PER3: variants seen among roughly 807,000 people sequenced by gnomAD.
PER3 encodes the protein period circadian regulator 3.
In PER3, 107 loss-of-function variants were observed where a neutral mutation model predicts 127.2. The observed-to-expected ratio is 0.84, with a 90% CI of 0.72 to 0.99. The LOEUF (loss-of-function observed/expected upper bound fraction) is 0.99, where lower values mean the gene tolerates loss of function less well. Among genes scored for constraint, PER3 ranks in the 50% least tolerant of loss-of-function variants. The pLI is 0.00. For synonymous variants in PER3, 618 were observed against 585.8 expected, an observed-to-expected ratio of 1.05 and a Z score of -0.79; for missense variants, 1,560 against 1,525.8, an observed-to-expected ratio of 1.02 and a Z score of -0.37.
intron 13 of PER3, among the ~76,000 whole-genome samples, chr1:7,815,991 CAAAAAAAAAAAA>C (rs34144861): frequency 3.0e-5 from 2 of 67,680 alleles, no homozygotes; most frequent in Non-Finnish European, 4.9e-5. Flanking sequence ...GACTCCGTCT[CAAAAAAAAAAAA>C]AAAAAAAAAA....
At chr1:7,842,504 A>AAT (rs1286994366) in intron 21 of PER3, 168 bp from the exon 22 acceptor site, 6 of 488,778 alleles carry the variant, frequency 1.2e-5, no homozygotes, top group Non-Finnish European at 1.6e-5. Context: ...TGTCTCAAAA[A>AAT]AAAAAATAAA....
rs555030096 is a variant in PER3 at position 7,798,731 on chromosome 1, C to G, written c.793+58C>G. The G allele has an allele frequency of 4.5e-5, 64 of 1,406,630 alleles. No homozygotes were observed. The African/African-American group carries it at 8.4e-4, about 19-fold the overall frequency. 87.1% of individuals were successfully genotyped at this position (1,406,630 alleles called of 1,614,324 possible). Reference sequence around the variant, plus strand: ...CAATCAGATAGGAACATGGGAAAGTCTGTTTACGTCAGTCATAGAACAACA... The same window carrying G: ...CAATCAGATAGGAACATGGGAAAGTGTGTTTACGTCAGTCATAGAACAACA... On this transcript the variant is annotated intron_variant, in intron 7 of 21. Transcript: ENST00000377532.
At position 7,843,907 on chromosome 1, in the gene PER3, C is replaced by G; in HGVS notation, c.*1152C>G. On this transcript the variant is annotated 3_prime_UTR_variant, in exon 22 of 22. Transcript: ENST00000377532. ...TCTCTGGTGCTTTTTAGAGAAGTCC[C>G]TGATTCCTTCTTAAACTTGGAATGA... is the stretch of plus-strand genomic sequence containing the variant. 2 of 1,274,486 alleles carry G rather than the reference C, an allele frequency of 1.6e-6. No homozygotes were observed. The highest frequency in any genetic ancestry group is 2.0e-6 in the Non-Finnish European group (2 of 978,454). 78.9% of individuals were successfully genotyped at this position (1,274,486 alleles called of 1,614,324 possible). A position where few individuals can be genotyped will look rare whatever the true frequency, so the allele number is the denominator to read the frequency against.
At chr1:7,831,918 C>G (rs1035945987) in intron 19 of PER3, among the ~76,000 whole-genome samples, 3 of 151,996 alleles carry the variant, frequency 2.0e-5, no homozygotes, top group Non-Finnish European at 4.4e-5. Context: ...AGGAACTATT[C>G]TTTGCTATTC....
intron 12 of PER3, chr1:7,810,226 G>A (rs1014644113): frequency 1.7e-5 from 11 of 638,806 alleles, no homozygotes; most frequent in Admixed American, 3.3e-5. Context: ...AATTGTATGC[G>A]TTCTAAAAAT....
chr1:7,813,533 G>A (rs72632076), intron 13 of PER3, among the ~76,000 whole-genome samples: 12,519 of 152,072 alleles, frequency 0.082, 583 homozygotes, highest in Middle Eastern at 0.21. Context: ...AGACCCTCTC[G>A]AAGGCACAAT....
intron 7 of PER3, among the ~76,000 whole-genome samples, chr1:7,799,257 G>A (rs560959): frequency 0.074 from 11,320 of 152,168 alleles, 522 homozygotes; most frequent in Middle Eastern, 0.13. Flanking sequence ...GGGTTTAGGA[G>A]CACAAAACTC....
intron 21 of PER3, among the ~76,000 whole-genome samples, chr1:7,839,197 T>C (rs1206835818): frequency 6.6e-6 from 1 of 152,246 alleles, no homozygotes; most frequent in Non-Finnish European, 1.5e-5. Flanking sequence ...AGCTTAACTT[T>C]GATAACCTAC....
intron 19 of PER3, among the ~76,000 whole-genome samples, chr1:7,834,795 T>G (rs2097349859): frequency 6.6e-6 from 1 of 152,052 alleles, no homozygotes; most frequent in African/African-American, 2.4e-5. Context: ...TTTTTATTAC[T>G]TTTTTATTTA....
Position 7,819,281 on chromosome 1 carries a change from T to C in PER3, c.1523-4T>C. On this transcript the variant is annotated splice_region_variant and splice_polypyrimidine_tract_variant and intron_variant, in intron 13 of 21. Transcript: ENST00000377532. ...TAATTGCACATCCCTTTATTCTGTT[T>C]CAGGTGAATGTAAGACCTTTACTTC... The C allele has an allele frequency of 6.2e-7, 1 of 1,612,778 alleles. No individual in the cohort carries two copies. The highest frequency in any genetic ancestry group is 8.5e-7 in the Non-Finnish European group (1 of 1,179,046).
intron 19 of PER3, among the ~76,000 whole-genome samples, chr1:7,835,254 C>T (rs1022548278): frequency 6.6e-6 from 1 of 152,090 alleles, no homozygotes; most frequent in Non-Finnish European, 1.5e-5. Flanking sequence ...TTATATGTGA[C>T]TTTCTGTATG....
chr1:7,804,463 G>A (rs956007264), intron 10 of PER3, among the ~76,000 whole-genome samples: 11 of 148,340 alleles, frequency 7.4e-5, no homozygotes, highest in Admixed American at 2.0e-4. Context: ...GCAGTGATGC[G>A]ATCACAGCTC....
chr1:7,812,623 T>TAAAAAAAAA (rs2097224353), intron 13 of PER3, among the ~76,000 whole-genome samples: 1 of 22,810 alleles, frequency 4.4e-5, no homozygotes, highest in African/African-American at 1.5e-4. Context: ...AGACTCCGTC[T>TAAAAAAAAA]CAAAAAAAAA....
intron 13 of PER3, among the ~76,000 whole-genome samples, chr1:7,816,351 TC>T (rs1192788392): frequency 5.9e-5 from 9 of 152,132 alleles, no homozygotes; most frequent in Non-Finnish European, 1.2e-4. Context: ...TTAAAACTTC[TC>T]CTTTTTGAAA....
At chr1:7,798,197 G>A (rs952719604) in intron 6 of PER3, among the ~76,000 whole-genome samples, 1 of 152,194 alleles carries the variant, frequency 6.6e-6, no homozygotes, top group African/African-American at 2.4e-5. Flanking sequence ...AAATGAGACA[G>A]TTATGCTTGT....
At chr1:7,841,014 C>T (rs2097384517) in intron 21 of PER3, among the ~76,000 whole-genome samples, 1 of 152,198 alleles carries the variant, frequency 6.6e-6, no homozygotes, top group South Asian at 2.1e-4. Flanking sequence ...CTTTGAATGG[C>T]CTATACCAAG....
intron 21 of PER3, among the ~76,000 whole-genome samples, chr1:7,838,292 A>G (rs1430907638): frequency 6.6e-6 from 1 of 152,182 alleles, no homozygotes; most frequent in East Asian, 1.9e-4. Flanking sequence ...TGCAACCATC[A>G]CCACCATCCA....
intron 10 of PER3, among the ~76,000 whole-genome samples, chr1:7,808,107 C>T (rs895297898): frequency 3.3e-5 from 5 of 152,074 alleles, no homozygotes; most frequent in Admixed American, 1.3e-4. Context: ...GTGGCGTGCA[C>T]CTGTAATCCC....
In PER3 at chr1:7,788,055, T is replaced by C. The variant is rs753180203; in HGVS notation, c.401T>C (p.Val134Ala). 6.2e-7 allele frequency: 1 copy of C among 1,608,780 alleles called. No individual in the cohort carries two copies. The highest frequency in any genetic ancestry group is 8.5e-7 in the Non-Finnish European group (1 of 1,175,098). The change falls in exon 5 of 22, where the codon GTG becomes GCG. Residue 134 changes from valine to alanine, a missense_variant. Transcript: ENST00000377532. Reference sequence around the variant, plus strand: ...AAATGTTTTTCATAGGATACCTTTGTGGCAGTATTTTCATTTCTGTCTGGA... The same window carrying C: ...AAATGTTTTTCATAGGATACCTTTGCGGCAGTATTTTCATTTCTGTCTGGA... ...EHTSKNTDTFVAVFSFLSGRL... is the reference protein window; with the variant it reads ...EHTSKNTDTFAAVFSFLSGRL...
Sources: gnomAD v4.1 joint callset for allele counts (sites outside exome capture counted in the v4.1 genomes callset) on GRCh38, gnomAD v4.1.1 for gene constraint, MANE v1.5 for transcripts, NCBI Gene and HGNC (gene_info 2026-07-23, HGNC 2026-07-21) for gene names.